Variants in CSMD1 observed in about 807,000 individuals in gnomAD.
The protein encoded by CSMD1 is CUB and Sushi multiple domains 1.
Under a neutral mutation model 417.5 loss-of-function variants are expected in CSMD1, and 213 were observed. The observed-to-expected ratio is 0.51, with a 90% CI of 0.46 to 0.57. The LOEUF (loss-of-function observed/expected upper bound fraction) is 0.57. Among genes scored for constraint, CSMD1 ranks in the 20% least tolerant of loss-of-function variants. The probability of loss-of-function intolerance (pLI) is 0.00; values close to 1 mark genes in which losing one functional copy is unlikely to be tolerated. For missense variants in CSMD1, 6,923 were observed against 4,529.7 expected, an observed-to-expected ratio of 1.53 and a Z score of -15.17; for synonymous variants, 2,862 against 1,736.8, an observed-to-expected ratio of 1.65 and a Z score of -16.11.
At chr8:3,670,989 G>A (rs189292698) in intron 7 of CSMD1, among the ~76,000 whole-genome samples, 1 of 131,926 alleles carries the variant, frequency 7.6e-6, no homozygotes, top group Non-Finnish European at 1.7e-5. Flanking sequence ...ATATGTATAT[G>A]GGATATATAT....
intron 6 of CSMD1, among the ~76,000 whole-genome samples, chr8:3,748,028 G>A (rs1797144547): frequency 6.6e-6 from 1 of 152,074 alleles, no homozygotes; most frequent in African/African-American, 2.4e-5. Context: ...AAGGTAGCAA[G>A]ACACACAGGT....
At chr8:4,302,252 G>A (rs1323555777) in intron 3 of CSMD1, among the ~76,000 whole-genome samples, 3 of 152,206 alleles carry the variant, frequency 2.0e-5, no homozygotes, top group Non-Finnish European at 2.9e-5. Flanking sequence ...TAGTGTTTTA[G>A]GTGATGGTCT....
intron 23 of CSMD1, among the ~76,000 whole-genome samples, chr8:3,315,460 G>GTA (rs1805685895): frequency 6.6e-6 from 1 of 151,472 alleles, no homozygotes; most frequent in African/African-American, 2.4e-5. Context: ...GTGTGTGTGT[G>GTA]TGATTTTTAA....
intron 5 of CSMD1, among the ~76,000 whole-genome samples, chr8:3,797,224 A>G (rs1040480167): frequency 6.6e-6 from 1 of 151,930 alleles, no homozygotes; most frequent in Non-Finnish European, 1.5e-5. Flanking sequence ...AAGAACTTCA[A>G]CCATCTCTAT....
chr8:4,836,264 G>T (rs778900602), intron 1 of CSMD1, among the ~76,000 whole-genome samples: 1 of 152,064 alleles, frequency 6.6e-6, no homozygotes, highest in Non-Finnish European at 1.5e-5. Flanking sequence ...AAATTATAAC[G>T]TGAAGACTAA....
intron 3 of CSMD1, among the ~76,000 whole-genome samples, chr8:4,205,290 C>T (rs1328962639): frequency 6.6e-6 from 1 of 152,058 alleles, no homozygotes; most frequent in Non-Finnish European, 1.5e-5. Flanking sequence ...ACAATAGTTC[C>T]TTGAAAAAGA....
intron 2 of CSMD1, among the ~76,000 whole-genome samples, chr8:4,511,932 C>T (rs1267769448): frequency 6.6e-6 from 1 of 152,080 alleles, no homozygotes; most frequent in Non-Finnish European, 1.5e-5. Flanking sequence ...TTCATTCTTC[C>T]TAACAAGATA....
intron 3 of CSMD1, among the ~76,000 whole-genome samples, chr8:4,201,363 C>T (rs1008123803): frequency 1.3e-5 from 2 of 151,716 alleles, no homozygotes; most frequent in Admixed American, 6.6e-5. Context: ...ACGGTGAAAC[C>T]CCATCTCTAC....
chr8:4,016,257 G>A (rs890063177), intron 4 of CSMD1, among the ~76,000 whole-genome samples: 5 of 152,064 alleles, frequency 3.3e-5, no homozygotes, highest in Admixed American at 3.3e-4. Context: ...TCCTGCTTGA[G>A]TAATTCATAG....
chr8:4,947,303 G>C (rs577355223), intron 1 of CSMD1, among the ~76,000 whole-genome samples: 1 of 152,120 alleles, frequency 6.6e-6, no homozygotes, highest in South Asian at 2.1e-4. Context: ...AGACCATTTG[G>C]TAGTTTGGAA....
chr8:4,150,087 C>G (rs919782901), intron 3 of CSMD1, among the ~76,000 whole-genome samples: 7 of 152,102 alleles, frequency 4.6e-5, no homozygotes, highest in Non-Finnish European at 1.0e-4. Flanking sequence ...AAAATGAACT[C>G]GTTTGTTTTT....
chr8:3,940,900 T>C (rs1027413273), intron 5 of CSMD1, among the ~76,000 whole-genome samples: 12 of 151,212 alleles, frequency 7.9e-5, no homozygotes, highest in Non-Finnish European at 1.5e-4. Context: ...CCCCCCGAGA[T>C]TATGTCTACA....
chr8:4,820,273 T>C (rs559390477), intron 1 of CSMD1, among the ~76,000 whole-genome samples: 52 of 152,266 alleles, frequency 3.4e-4, no homozygotes, highest in Middle Eastern at 3.4e-3. Context: ...CACTACAGAC[T>C]GCCAGGAACA....
chr8:4,229,788 C>G (rs1018225454), intron 3 of CSMD1, among the ~76,000 whole-genome samples: 7 of 152,188 alleles, frequency 4.6e-5, no homozygotes, highest in African/African-American at 1.7e-4. Context: ...TGTTTCATCA[C>G]TCACTCCTTC....
intron 1 of CSMD1, among the ~76,000 whole-genome samples, chr8:4,641,156 C>T (rs547166506): frequency 1.3e-5 from 2 of 151,590 alleles, no homozygotes; most frequent in East Asian, 2.0e-4. Flanking sequence ...AAATACACAT[C>T]ACAGAGAAAC....
chr8:3,578,008 C>A (rs1280191774), intron 9 of CSMD1, among the ~76,000 whole-genome samples: 1 of 152,100 alleles, frequency 6.6e-6, no homozygotes, highest in Non-Finnish European at 1.5e-5. Flanking sequence ...TGTCTGTTGT[C>A]CCCTAGCTGT....
chr8:3,829,918 C>A (rs1279874988), intron 5 of CSMD1, among the ~76,000 whole-genome samples: 1 of 151,980 alleles, frequency 6.6e-6, no homozygotes, highest in Non-Finnish European at 1.5e-5. Flanking sequence ...AAAATGAAGG[C>A]TTTTCTCCTT....
intron 17 of CSMD1, among the ~76,000 whole-genome samples, chr8:3,392,990 C>G (rs750171859): frequency 6.6e-6 from 1 of 152,282 alleles, no homozygotes; most frequent in Middle Eastern, 3.4e-3. Context: ...GACTCATTTT[C>G]TTACAACAAG....
At chr8:3,828,413 C>T (rs545505961) in intron 5 of CSMD1, among the ~76,000 whole-genome samples, 2 of 151,728 alleles carry the variant, frequency 1.3e-5, no homozygotes, top group African/African-American at 4.9e-5. Context: ...TGTCATATTG[C>T]AACAGCCTCT....
Sources: gnomAD v4.1 joint callset for allele counts (sites outside exome capture counted in the v4.1 genomes callset) on GRCh38, gnomAD v4.1.1 for gene constraint, MANE v1.5 for transcripts, NCBI Gene and HGNC (gene_info 2026-07-23, HGNC 2026-07-21) for gene names.